The following PDE4A variants were observed in gnomAD, a reference collection of about 807,000 sequenced individuals.
PDE4A encodes the protein 3',5'-cyclic-AMP phosphodiesterase 4A.
A neutral mutation model predicts 73.9 loss-of-function variants in PDE4A; 21 were observed. That is an observed-to-expected ratio of 0.28 (90% CI 0.20 to 0.41). The LOEUF (loss-of-function observed/expected upper bound fraction) is 0.41, where lower values mean the gene tolerates loss of function less well. Among genes scored for constraint, PDE4A ranks in the 10% least tolerant of loss-of-function variants. PDE4A has a pLI of 1.00. For missense variants in PDE4A, 958 were observed against 1,211.4 expected (o/e 0.79, Z 3.10); for synonymous variants, 463 against 505.4 (o/e 0.92, Z 1.13).
rs2043404551 is a variant in PDE4A, at chr19:10,467,699, C to T, written c.*78C>T. The T allele has an allele frequency of 4.5e-6, 5 of 1,108,040 alleles. No individual in the cohort carries two copies. The highest frequency in any genetic ancestry group is 1.6e-5 in the South Asian group (1 of 61,794). The allele number at this position is 1,108,040 out of a possible 1,614,324, so 68.6% of individuals were successfully genotyped here. On this transcript the variant is annotated 3_prime_UTR_variant, in exon 15 of 15. Coordinates refer to ENST00000380702, the MANE Select transcript of PDE4A (RefSeq NM_001111307.2). ...CCCCCGACCACCTCCTCCTCTGCCT[C>T]AAAGACTCTTGTCCTCTTGTCCCTC...
chr19:10,461,885 C>T lies in PDE4A; in HGVS notation c.1629C>T (p.Ala543=). 2 of 1,613,464 alleles carry T rather than the reference C, an allele frequency of 1.2e-6. No homozygotes were observed. The highest frequency in any genetic ancestry group is 1.7e-6 in the Non-Finnish European group (2 of 1,179,742). The change falls in exon 13 of 15, where the codon GCC becomes GCT. Residue 543 remains alanine, a synonymous_variant. Coordinates refer to ENST00000380702, the MANE Select transcript of PDE4A (RefSeq NM_001111307.2). ...LRKMVIDMVL[A]TDMSKHMTLL... is the part of the protein sequence containing the mutation. ...CGCCCCCTTGCCCGCAGGTGCTGGC[C>T]ACGGACATGTCCAAGCACATGACCC...
intron 1 of PDE4A, among the ~76,000 whole-genome samples, chr19:10,437,666 C>T (rs1038794546): frequency 6.6e-6 from 1 of 152,140 alleles, no homozygotes; most frequent in African/African-American, 2.4e-5. Context: ...GATCCTCCCA[C>T]CTCAGCTTCT....
rs749126870 is a variant in PDE4A at position 10,465,683 on chromosome 19, C to CTTTTTT, written c.1927-1175_1927-1170dup. 3.7e-3 allele frequency among the ~76,000 whole-genome samples: 181 copies of CTTTTTT among 48,408 alleles called. 15 individuals are homozygous for CTTTTTT. Among genetic ancestry groups the CTTTTTT allele is most frequent in the South Asian group, 5.2e-3 (5 of 966 alleles). The allele number at this position is 48,408 out of a possible 152,430, so 31.8% of individuals were successfully genotyped here. ...TCATAGCAATAGTTTGTGGCTTTAG[C>CTTTTTT]TTTTTTTTTTTTTTTTTTTTTTTTT... On this transcript the variant is annotated intron_variant, in intron 14 of 14. Transcript: ENST00000380702.
chr19:10,419,180 C>T (rs2042616341), upstream of PDE4A: 2 of 695,900 alleles, frequency 2.9e-6, no homozygotes, highest in African/African-American at 2.1e-5. Context: ...GGTCTGGTCC[C>T]CGGGTCCCGC....
chr19:10,434,654 G>A (rs149557202), intron 1 of PDE4A, among the ~76,000 whole-genome samples: 19 of 151,816 alleles, frequency 1.3e-4, no homozygotes, highest in African/African-American at 4.4e-4. Context: ...GCAGTGGTGC[G>A]ATCTTGCCTC....
chr19:10,422,545 G>A (rs529565340), intron 1 of PDE4A, among the ~76,000 whole-genome samples: 1 of 152,240 alleles, frequency 6.6e-6, no homozygotes, highest in South Asian at 2.1e-4. Flanking sequence ...ATATCACCAA[G>A]ACGGTCAGAT....
intron 1 of PDE4A, chr19:10,427,543 ACATCTG>A: frequency 2.0e-6 from 2 of 985,436 alleles, no homozygotes; most frequent in Non-Finnish European, 2.4e-6. Flanking sequence ...GCCTCAGTTT[ACATCTG>A]GCTTCCTAGG....
At position 10,453,116 on chromosome 19, in the gene PDE4A, C is replaced by A; in HGVS notation, c.784-1713C>A. 1 of 1,367,382 alleles carries A rather than the reference C, an allele frequency of 7.3e-7. No individual in the cohort carries two copies. Among genetic ancestry groups the A allele is most frequent in the Admixed American group, 3.5e-5 (1 of 28,520 alleles). The allele number at this position is 1,367,382 out of a possible 1,614,324, so 84.7% of individuals were successfully genotyped here. A position where few individuals can be genotyped will look rare whatever the true frequency, so the allele number is the denominator to read the frequency against. ...GGAGCGCGGAGGGGAAGGGAGCCCC[C>A]AGCCCTGCTGGGCCGGCCCAGGCCC... On this transcript the variant is annotated intron_variant, in intron 6 of 14. Transcript: ENST00000380702. The surrounding 1 kb of genome is among the most constrained non-coding windows in gnomAD (Gnocchi z 4.6).
In PDE4A at chr19:10,450,816, G is replaced by T. The variant is rs1163206990; in HGVS notation, c.671-13G>T. ...GACCTTCTCAGTCACTACCCTGGCT[G>T]CCCCTTCCTTAGAAGAAACGTGTCA... On this transcript the variant is annotated splice_polypyrimidine_tract_variant and intron_variant, in intron 5 of 14. Coordinates refer to ENST00000380702, the MANE Select transcript of PDE4A (RefSeq NM_001111307.2). 1 of 1,599,736 alleles carries T rather than the reference G, an allele frequency of 6.3e-7. No homozygotes were observed. The highest frequency in any genetic ancestry group is 1.7e-5 in the Admixed American group (1 of 57,250).
Position 10,461,045 on chromosome 19 carries a change from G to A in PDE4A, c.1407G>A (p.Ala469=), listed in dbSNP as rs151195514. The A allele has an allele frequency of 1.4e-5, 22 of 1,613,576 alleles. No homozygotes were observed. The African/African-American group carries it at 1.9e-4, about 14-fold the overall frequency. ...TDLEILAALF[A]AAIHDVDHPG... ...TGGAGATTCTCGCCGCCCTCTTCGC[G>A]GCTGCCATCCACGATGTGGATCACC... Residue 469 remains alanine (A), a synonymous_variant, in exon 11 of 15, where the codon GCG becomes GCA. Coordinates refer to ENST00000380702, the MANE Select transcript of PDE4A (RefSeq NM_001111307.2).
intron 1 of PDE4A, among the ~76,000 whole-genome samples, chr19:10,437,420 C>A (rs187094286): frequency 6.6e-6 from 1 of 151,326 alleles, no homozygotes; most frequent in Non-Finnish European, 1.5e-5. Flanking sequence ...CCGTGCCCGG[C>A]CTTTTTCTTT....
Position 10,420,880 on chromosome 19 carries a change from C to T in PDE4A, c.116C>T (p.Thr39Ile). The T allele has an allele frequency of 1.3e-6, 2 of 1,590,028 alleles. No homozygotes were observed. Among genetic ancestry groups the T allele is most frequent in the South Asian group, 1.1e-5 (1 of 89,482 alleles). Residue 39 changes from threonine to isoleucine, a missense_variant, in exon 1 of 15, where the codon ACC (threonine) becomes ATC (isoleucine). Coordinates refer to ENST00000380702, the MANE Select transcript of PDE4A (RefSeq NM_001111307.2). The surrounding 1 kb of genome is among the most constrained non-coding windows in gnomAD (Gnocchi z 6.0). ...PPQHLWRQPR[T>I]PIRIQQRGYS... ...CAGCACCTGTGGCGGCAGCCTCGGA[C>T]CCCCATCCGTATCCAGCAGCGCGGC...
At chr19:10,466,128 C>A (rs950523720) in intron 14 of PDE4A, among the ~76,000 whole-genome samples, 1 of 150,554 alleles carries the variant, frequency 6.6e-6, no homozygotes, top group South Asian at 2.1e-4. Flanking sequence ...CTCAGCCTCC[C>A]GAGTAGCTGG....
chr19:10,449,070 C>T lies in PDE4A; in HGVS notation c.550-10C>T, dbSNP rs767294553. 3.7e-6 allele frequency: 6 copies of T among 1,613,204 alleles called. No individual in the cohort carries two copies. In the African/African-American group the frequency reaches 5.3e-5, roughly 14 times the overall value. ...GGAACCCCACTCCTCACTGCCGCTC[C>T]CCATCCCAGGTGCTGGCCAGCCTCC... On this transcript the variant is annotated splice_polypyrimidine_tract_variant and intron_variant, in intron 3 of 14. Transcript: ENST00000380702.
In PDE4A at chr19:10,424,800, G is replaced by A. The variant is rs774453172; in HGVS notation, c.320+3716G>A. Among the ~76,000 whole-genome samples the A allele has an allele frequency of 3.3e-5, 5 of 152,234 alleles. No homozygotes were observed. The highest frequency in any genetic ancestry group is 7.3e-5 in the Non-Finnish European group (5 of 68,038). On this transcript the variant is annotated intron_variant, in intron 1 of 14. Coordinates refer to ENST00000380702, the MANE Select transcript of PDE4A (RefSeq NM_001111307.2). This position sits in a 1 kb window ranked among gnomAD's most constrained non-coding sequence, Gnocchi z 4.8. ...GAAAAGTTGCAGCCGTGGAGTTCCC[G>A]TCCCGCCTCTGCGCGCTTGCCCGGC...
At chr19:10,428,234 C>T (rs1237231563) in intron 1 of PDE4A, among the ~76,000 whole-genome samples, 1 of 152,016 alleles carries the variant, frequency 6.6e-6, no homozygotes, top group Admixed American at 6.6e-5. Context: ...ACATGCTACT[C>T]AGCTACTTAG....
chr19:10,417,885 G>T, upstream of PDE4A: 1 of 1,543,046 alleles, frequency 6.5e-7, no homozygotes, highest in Non-Finnish European at 8.7e-7. Flanking sequence ...AGAGGGAGCA[G>T]AGTGGGAGGT....
chr19:10,464,461 G>C (rs1488106159), intron 14 of PDE4A: 2 of 455,042 alleles, frequency 4.4e-6, no homozygotes, highest in Non-Finnish European at 8.8e-6. Context: ...CTGTTGCCCA[G>C]GGTAGCATGC....
chr19:10,444,062 T>TTG (rs923021616), intron 1 of PDE4A, among the ~76,000 whole-genome samples: 5 of 150,972 alleles, frequency 3.3e-5, no homozygotes, highest in South Asian at 4.2e-4. Flanking sequence ...GGATTTTAGT[T>TTG]TGTGTGTGTG....
Sources: allele counts gnomAD v4.1 joint callset (sites outside exome capture counted in the v4.1 genomes callset), GRCh38; gene constraint gnomAD v4.1.1; non-coding constraint Gnocchi (gnomAD v3.1); transcripts MANE v1.5; gene names NCBI Gene and HGNC (gene_info 2026-07-23, HGNC 2026-07-21).